The following RASGRF2 variants were observed in gnomAD, a reference collection of about 807,000 sequenced individuals.
RASGRF2 encodes the protein Ras protein specific guanine nucleotide releasing factor 2, also known as ras-specific guanine nucleotide-releasing factor 2.
In RASGRF2, 76 loss-of-function variants were observed where a neutral mutation model predicts 151.0. That is an observed-to-expected ratio of 0.50 (90% confidence interval 0.42 to 0.61). The LOEUF is 0.61. RASGRF2 is among the 20% of genes least tolerant of loss of function. The pLI is 0.00. For synonymous variants in RASGRF2, 504 were observed against 566.5 expected (o/e 0.89, Z 1.57); for missense variants, 1,148 against 1,564.6 (o/e 0.73, Z 4.49).
Position 81,032,385 on chromosome 5 carries a change from T to C in RASGRF2, c.289-10492T>C, listed in dbSNP as rs531448055. Among the ~76,000 whole-genome samples, 10 of 152,224 alleles carry C rather than the reference T, an allele frequency of 6.6e-5. No individual in the cohort carries two copies. In the East Asian group the frequency reaches 1.2e-3, roughly 18 times the overall value. On this transcript the variant is annotated intron_variant, in intron 1 of 26. Transcript: ENST00000265080. ...CCAATATCCCTGATGAACATCGATG[T>C]AAAAATCCTCAATAAAATACTGGCA...
intron 1 of RASGRF2, among the ~76,000 whole-genome samples, chr5:81,037,149 C>G (rs1041364999): frequency 6.6e-6 from 1 of 152,122 alleles, no homozygotes; most frequent in Non-Finnish European, 1.5e-5. Flanking sequence ...GGAGAAGCCA[C>G]CCCCATGATT....
At chr5:81,087,023 G>A (rs1398200605) in intron 9 of RASGRF2, 70 bp downstream of exon 9, 14 of 1,398,572 alleles carry the variant, frequency 1.0e-5, no homozygotes, top group East Asian at 9.1e-5. Context: ...GGCACACCCC[G>A]GAAGGCGTTC....
At chr5:81,003,130 ACTG>A (rs1334169681) in intron 1 of RASGRF2, among the ~76,000 whole-genome samples, 1 of 151,678 alleles carries the variant, frequency 6.6e-6, no homozygotes, top group African/African-American at 2.4e-5. Flanking sequence ...ATCTCAGCTC[ACTG>A]CAACCTCCAC....
intron 24 of RASGRF2, among the ~76,000 whole-genome samples, chr5:81,216,570 T>C (rs1755744931): frequency 6.6e-6 from 1 of 152,212 alleles, no homozygotes; most frequent in African/African-American, 2.4e-5. Context: ...TAAGAACTAA[T>C]TACCAAAGTA....
intron 5 of RASGRF2, among the ~76,000 whole-genome samples, chr5:81,074,813 G>A (rs866018007): frequency 6.6e-6 from 1 of 152,182 alleles, no homozygotes. Flanking sequence ...GAGGAAGAGT[G>A]AGGCAAGCAG....
intron 15 of RASGRF2, among the ~76,000 whole-genome samples, chr5:81,120,981 G>A (rs942557183): frequency 5.3e-5 from 8 of 152,134 alleles, no homozygotes; most frequent in African/African-American, 1.9e-4. Flanking sequence ...AGACTCAGTT[G>A]TAGGGTTTTT....
intron 17 of RASGRF2, among the ~76,000 whole-genome samples, chr5:81,161,808 A>G (rs1244202951): frequency 1.3e-5 from 2 of 152,140 alleles, no homozygotes; most frequent in Non-Finnish European, 2.9e-5. Flanking sequence ...TGAAGATGTT[A>G]TTAATATAAA....
chr5:81,123,872 T>G, intron 16 of RASGRF2, 105 bp downstream of exon 16: 1 of 1,372,710 alleles, frequency 7.3e-7, no homozygotes, highest in Non-Finnish European at 9.8e-7. Flanking sequence ...ATTTTTTTAG[T>G]CTCACTTATT....
At chr5:81,200,914 T>A (rs2112713524) in intron 18 of RASGRF2, among the ~76,000 whole-genome samples, 1 of 152,090 alleles carries the variant, frequency 6.6e-6, no homozygotes, top group Middle Eastern at 3.4e-3. Flanking sequence ...ATTTGTTAAG[T>A]CTAGGACAGT....
At chr5:81,064,106 G>C (rs1751523698) in intron 2 of RASGRF2, among the ~76,000 whole-genome samples, 1 of 152,142 alleles carries the variant, frequency 6.6e-6, no homozygotes, top group Non-Finnish European at 1.5e-5. Context: ...TACAATCAAG[G>C]TGTTGGCCAG....
At chr5:80,999,507 A>T (rs1233623790) in intron 1 of RASGRF2, among the ~76,000 whole-genome samples, 1 of 151,748 alleles carries the variant, frequency 6.6e-6, no homozygotes, top group Non-Finnish European at 1.5e-5. Flanking sequence ...CATGCCTGGA[A>T]TATTTATTTT....
At chr5:81,205,137 A>G (rs1034951330) in intron 19 of RASGRF2, among the ~76,000 whole-genome samples, 28 of 152,228 alleles carry the variant, frequency 1.8e-4, no homozygotes, top group Non-Finnish European at 4.0e-4. Flanking sequence ...GCCCTTTAAG[A>G]TAAAATGACT....
At chr5:81,113,031 T>G (rs1263139364) in intron 14 of RASGRF2, among the ~76,000 whole-genome samples, 173 bp downstream of exon 14, 1 of 152,162 alleles carries the variant, frequency 6.6e-6, no homozygotes, top group African/African-American at 2.4e-5. Flanking sequence ...TCACACAGAG[T>G]TCCCCAGGCA....
chr5:81,099,322 A>G (rs576543143), intron 12 of RASGRF2, among the ~76,000 whole-genome samples: 1 of 152,342 alleles, frequency 6.6e-6, no homozygotes, highest in East Asian at 1.9e-4. Flanking sequence ...GCTGCATTAT[A>G]TTAAATATAT....
At chr5:81,151,383 AC>A (rs1754130827) in intron 17 of RASGRF2, among the ~76,000 whole-genome samples, 1 of 125,316 alleles carries the variant, frequency 8.0e-6, no homozygotes, top group African/African-American at 3.0e-5. Context: ...GAAAACTGGT[AC>A]CTTTTTTTTT....
chr5:80,988,008 CGTGTGTGTGTGT>C lies in RASGRF2; in HGVS notation c.288+27015_288+27026del, dbSNP rs58750663. ...CATGTGTAGTTTTGAAATAAATGTG[CGTGTGTGTGTGT>C]GTGTGTGTGTGTGTGTGTGTGTGTG... is the stretch of plus-strand genomic sequence containing the variant. On this transcript the variant is annotated intron_variant, in intron 1 of 26. Coordinates refer to ENST00000265080, the MANE Select transcript of RASGRF2 (RefSeq NM_006909.3). Among the ~76,000 whole-genome samples the C allele has an allele frequency of 2.8e-3, 396 of 139,486 alleles. 3 individuals carry two copies. Among genetic ancestry groups the C allele is most frequent in the African/African-American group, 8.6e-3 (325 of 37,702 alleles). 91.5% of individuals were successfully genotyped at this position (139,486 alleles called of 152,430 possible).
chr5:81,014,527 T>G (rs56846769), intron 1 of RASGRF2, among the ~76,000 whole-genome samples: 2,543 of 152,200 alleles, frequency 0.017, 86 homozygotes, highest in African/African-American at 0.058. Flanking sequence ...TACCTCCCAC[T>G]AGGTCCCTCC....
intron 9 of RASGRF2, 26 bp downstream of exon 9, chr5:81,086,979 G>C (rs371802128): frequency 4.5e-6 from 7 of 1,566,940 alleles, no homozygotes; most frequent in Non-Finnish European, 6.2e-6. Flanking sequence ...ATGGACCCGC[G>C]ACCTGATGCG....
chr5:81,213,344 G>A (rs558326796), intron 23 of RASGRF2, among the ~76,000 whole-genome samples: 218 of 130,822 alleles, frequency 1.7e-3, no homozygotes, highest in African/African-American at 5.5e-3. Context: ...TCTCAGGGGC[G>A]AGGGGGAAAG....
Sources: allele counts gnomAD v4.1 joint callset (sites outside exome capture counted in the v4.1 genomes callset), GRCh38; gene constraint gnomAD v4.1.1; transcripts MANE v1.5; gene names NCBI Gene and HGNC (gene_info 2026-07-23, HGNC 2026-07-21).